Variants in ING5 observed in about 807,000 individuals in gnomAD.
ING5 encodes inhibitor of growth protein 5.
Under a neutral mutation model 37.4 loss-of-function variants are expected in ING5, and 17 were observed. That is an observed-to-expected ratio of 0.45 (90% CI 0.31 to 0.68). The LOEUF (loss-of-function observed/expected upper bound fraction) is 0.68. ING5 is among the 30% of genes least tolerant of loss of function. The pLI is 0.05. For missense variants in ING5, 233 were observed against 311.9 expected, an observed-to-expected ratio of 0.75 and a Z score of 1.91; for synonymous variants, 123 against 116.6, an observed-to-expected ratio of 1.06 and a Z score of -0.36.
At chr2:241,723,346 TG>T in intron 7 of ING5, 75 bp downstream of exon 7, 1 of 1,461,924 alleles carries the variant, frequency 6.8e-7, no homozygotes, top group Non-Finnish European at 9.6e-7. Context: ...CAGGAGAAGG[TG>T]CTCCATGGCA....
At chr2:241,704,871 C>T (rs906014868) in intron 2 of ING5, 147 bp downstream of exon 2, 1 of 664,188 alleles carries the variant, frequency 1.5e-6, no homozygotes, top group Non-Finnish European at 2.7e-6. Flanking sequence ...CACTCAGTGT[C>T]TTGCAGTAGG....
chr2:241,705,557 C>T (rs548971842), intron 2 of ING5, among the ~76,000 whole-genome samples: 2 of 151,690 alleles, frequency 1.3e-5, no homozygotes, highest in African/African-American at 4.8e-5. Flanking sequence ...GCCACCACAC[C>T]CAGCTAATTT....
intron 5 of ING5, 158 bp downstream of exon 5, chr2:241,712,229 C>A (rs1294100621): frequency 9.6e-6 from 6 of 624,202 alleles, no homozygotes; most frequent in African/African-American, 5.6e-5. Flanking sequence ...AGCCTGTCCT[C>A]ACCGCAGCCT....
At chr2:241,722,868 G>T (rs963834660) in intron 5 of ING5, 71 bp from the exon 6 acceptor site, 2 of 1,595,530 alleles carry the variant, frequency 1.3e-6, no homozygotes, top group Admixed American at 3.4e-5. Flanking sequence ...GAGACAGAAG[G>T]GCCCGTGGTG....
intron 2 of ING5, among the ~76,000 whole-genome samples, chr2:241,696,348 G>A (rs964924187): frequency 6.6e-6 from 1 of 151,934 alleles, no homozygotes; most frequent in Admixed American, 6.6e-5. Flanking sequence ...CCGGGATCTC[G>A]CCACTGCACT....
At chr2:241,689,498 G>C (rs754115313) in intron 1 of ING5, among the ~76,000 whole-genome samples, 1 of 152,178 alleles carries the variant, frequency 6.6e-6, no homozygotes, top group Non-Finnish European at 1.5e-5. Flanking sequence ...TGTTCAGGCA[G>C]AAGCTTTAAA....
chr2:241,721,056 TC>T (rs1559313100), intron 5 of ING5: 1 of 985,510 alleles, frequency 1.0e-6, no homozygotes, highest in South Asian at 4.7e-5. Flanking sequence ...AGATGTCAGG[TC>T]GGGCTTTGTG....
chr2:241,703,146 T>G (rs2069796091), intron 1 of ING5, among the ~76,000 whole-genome samples: 3 of 152,158 alleles, frequency 2.0e-5, no homozygotes, highest in Admixed American at 1.3e-4. Context: ...GCCTTCTCTA[T>G]CCTGGTGCCC....
upstream of ING5, chr2:241,702,012 G>A: frequency 3.9e-6 from 5 of 1,291,762 alleles, no homozygotes; most frequent in South Asian, 1.9e-5. Context: ...CCCCGCCCCC[G>A]CCTCCCGCGG....
intron 1 of ING5, 63 bp downstream of exon 1, chr2:241,702,165 C>T: frequency 1.9e-6 from 2 of 1,066,174 alleles, no homozygotes; most frequent in Non-Finnish European, 2.3e-6. Context: ...CCGCAGCCCC[C>T]CGCGCGCCGG....
intron 2 of ING5, among the ~76,000 whole-genome samples, chr2:241,705,868 T>A (rs2069896275): frequency 6.6e-6 from 1 of 152,152 alleles, no homozygotes; most frequent in Non-Finnish European, 1.5e-5. Flanking sequence ...ATCTCCTGGC[T>A]GTAGGTTGTT....
At chr2:241,709,099 C>T (rs2070020115) in intron 2 of ING5, 117 bp from the exon 3 acceptor site, 2 of 1,095,646 alleles carry the variant, frequency 1.8e-6, no homozygotes, top group East Asian at 2.4e-5. Flanking sequence ...AGCGTGAGTT[C>T]ATGTCAGCCT....
At chr2:241,708,442 C>T (rs193011080) in intron 2 of ING5, among the ~76,000 whole-genome samples, 365 of 152,070 alleles carry the variant, frequency 2.4e-3, no homozygotes, top group African/African-American at 8.4e-3. Context: ...CTCCTGACCT[C>T]GTGATCTGCC....
rs1045496668 is a variant in ING5, at chr2:241,726,044, C to G, written c.*1013C>G. 2 of 152,670 alleles carry G rather than the reference C, an allele frequency of 1.3e-5. No individual in the cohort carries two copies. The highest frequency in any genetic ancestry group is 4.8e-5 in the African/African-American group (2 of 41,448). 9.5% of individuals were successfully genotyped at this position (152,670 alleles called of 1,614,324 possible). A position where few individuals can be genotyped will look rare whatever the true frequency, so the allele number is the denominator to read the frequency against. ...GAGCGTTCACCAAGCTGAGCCGGAG[C>G]CATCCTTTCGGTGGTAGTTGGGGAA... On this transcript the variant is annotated 3_prime_UTR_variant, in exon 8 of 8. Transcript: ENST00000313552.
At chr2:241,697,126 C>T (rs2069641894), upstream of ING5, among the ~76,000 whole-genome samples, 1 of 150,934 alleles carries the variant, frequency 6.6e-6, no homozygotes, top group Non-Finnish European at 1.5e-5. Context: ...TGGAAGTAAC[C>T]AAGATGCTCT....
intron 5 of ING5, among the ~76,000 whole-genome samples, chr2:241,716,561 C>T (rs1373538280): frequency 6.6e-6 from 1 of 152,066 alleles, no homozygotes; most frequent in Admixed American, 6.6e-5. Flanking sequence ...TCCCAAAGTG[C>T]TAGGATTACA....
At chr2:241,719,625 T>G in intron 5 of ING5, 1 of 1,535,792 alleles carries the variant, frequency 6.5e-7, no homozygotes, top group Non-Finnish European at 8.7e-7. Context: ...ATGCTAGGCA[T>G]AAGGAATGCA....
chr2:241,719,725 G>A, intron 5 of ING5: 1 of 1,479,762 alleles, frequency 6.8e-7, no homozygotes, highest in Non-Finnish European at 8.9e-7. Context: ...CAGCTTCAGA[G>A]ACCTCAGGAA....
chr2:241,699,659 T>A (rs1023210645), upstream of ING5, among the ~76,000 whole-genome samples: 2 of 151,876 alleles, frequency 1.3e-5, no homozygotes, highest in African/African-American at 4.8e-5. Context: ...CAACGTTGCA[T>A]CTCGGAAGTC....
Sources: gnomAD v4.1 joint callset for allele counts (sites outside exome capture counted in the v4.1 genomes callset) on GRCh38, gnomAD v4.1.1 for gene constraint, MANE v1.5 for transcripts, NCBI Gene and HGNC (gene_info 2026-07-23, HGNC 2026-07-21) for gene names.